The following SLC24A2 variants were observed in gnomAD, a reference collection of about 807,000 sequenced individuals.
The protein encoded by SLC24A2 is sodium/potassium/calcium exchanger 2.
SLC24A2 carries 36 observed loss-of-function variants against 62.0 expected under a neutral mutation model. That is an observed-to-expected ratio of 0.58 (90% CI 0.44 to 0.77). The LOEUF is 0.77. Ranked by LOEUF, SLC24A2 falls within the 30% of genes least tolerant of loss-of-function variation. The pLI is 0.00. For missense variants in SLC24A2, 846 were observed against 817.9 expected (o/e 1.03, Z -0.42); for synonymous variants, 358 against 294.0 (o/e 1.22, Z -2.23).
chr9:19,527,800 G>A (rs1833509118), intron 9 of SLC24A2, among the ~76,000 whole-genome samples: 1 of 152,124 alleles, frequency 6.6e-6, no homozygotes, highest in Non-Finnish European at 1.5e-5. Flanking sequence ...AGGCTGCAGA[G>A]GCAAGAAGTA....
chr9:19,558,904 A>C (rs1177356603), intron 7 of SLC24A2, among the ~76,000 whole-genome samples: 2 of 152,194 alleles, frequency 1.3e-5, no homozygotes, highest in Non-Finnish European at 2.9e-5. Flanking sequence ...GGAGGCTCCT[A>C]GGAGAAGACA....
chr9:19,801,340 G>A, the SLC24A2 span, among the ~76,000 whole-genome samples: 1 of 152,234 alleles, frequency 6.6e-6, no homozygotes, highest in African/African-American at 2.4e-5. Flanking sequence ...GGGAGTGGCA[G>A]TGGGTGCCTC....
chr9:19,685,928 TTAAAC>T (rs111777411), intron 2 of SLC24A2, among the ~76,000 whole-genome samples: 9,108 of 152,170 alleles, frequency 0.06, 385 homozygotes, highest in African/African-American at 0.12. Context: ...TTGGACCTAA[TTAAAC>T]TAAAGAGTTT....
the SLC24A2 span, among the ~76,000 whole-genome samples, chr9:19,827,113 G>A: frequency 6.6e-6 from 1 of 152,050 alleles, no homozygotes; most frequent in Non-Finnish European, 1.5e-5. Flanking sequence ...ATGTTTCTAA[G>A]TTGTCACAAA....
chr9:19,802,740 G>A, the SLC24A2 span, among the ~76,000 whole-genome samples: 1 of 152,142 alleles, frequency 6.6e-6, no homozygotes, highest in African/African-American at 2.4e-5. Flanking sequence ...ATAATGGTCA[G>A]TTTTAGGCAT....
chr9:19,597,417 A>G, intron 4 of SLC24A2, 138 bp from the exon 5 acceptor site: 1 of 700,748 alleles, frequency 1.4e-6, no homozygotes, highest in East Asian at 2.6e-5. Flanking sequence ...AGATGTGCAA[A>G]CATGGGCCAT....
At chr9:20,153,485 CTTTAA>C in the SLC24A2 span, among the ~76,000 whole-genome samples, 2 of 151,846 alleles carry the variant, frequency 1.3e-5, no homozygotes, top group Non-Finnish European at 2.9e-5. Flanking sequence ...CAGGCAAATT[CTTTAA>C]TTTCTCTGAC....
At chr9:20,226,163 G>T in the SLC24A2 span, among the ~76,000 whole-genome samples, 4 of 152,152 alleles carry the variant, frequency 2.6e-5, no homozygotes, top group East Asian at 5.8e-4. Context: ...TTATGAATAT[G>T]CAAGGAAATT....
At chr9:19,722,657 TA>T (rs11336427) in intron 2 of SLC24A2, among the ~76,000 whole-genome samples, 124,858 of 149,146 alleles carry the variant, frequency 0.84, 52,323 homozygotes, top group East Asian at 0.99. Context: ...AATAGGATAT[TA>T]AAAAAAAAAA....
chr9:20,302,529 T>C, the SLC24A2 span, among the ~76,000 whole-genome samples: 1 of 152,230 alleles, frequency 6.6e-6, no homozygotes, highest in Non-Finnish European at 1.5e-5. Flanking sequence ...GTATATCTTA[T>C]GTGGTGAGGT....
At chr9:19,876,166 C>G in the SLC24A2 span, among the ~76,000 whole-genome samples, 1 of 152,038 alleles carries the variant, frequency 6.6e-6, no homozygotes, top group East Asian at 1.9e-4. Flanking sequence ...CAGACAACAC[C>G]TAAACATAGA....
At chr9:19,548,749 G>C (rs761504334) in intron 8 of SLC24A2, among the ~76,000 whole-genome samples, 3 of 152,188 alleles carry the variant, frequency 2.0e-5, no homozygotes, top group Non-Finnish European at 4.4e-5. Flanking sequence ...GTCCCCCTTT[G>C]AGAGTCAGCC....
chr9:19,736,744 C>T (rs1821522394), intron 2 of SLC24A2, among the ~76,000 whole-genome samples: 2 of 152,086 alleles, frequency 1.3e-5, no homozygotes, highest in Non-Finnish European at 2.9e-5. Flanking sequence ...CTTAGCTACT[C>T]AGCAGGCTGA....
At chr9:19,592,508 ACC>A (rs1250346921) in intron 5 of SLC24A2, among the ~76,000 whole-genome samples, 5 of 148,818 alleles carry the variant, frequency 3.4e-5, no homozygotes, top group Admixed American at 6.7e-5. Flanking sequence ...CTACCTACCT[ACC>A]TACCTACCTA....
chr9:20,066,245 G>T, the SLC24A2 span, among the ~76,000 whole-genome samples: 27 of 152,234 alleles, frequency 1.8e-4, no homozygotes, highest in Non-Finnish European at 2.5e-4. Context: ...TTTTAAAAAG[G>T]CATTTATAGC....
intron 2 of SLC24A2, among the ~76,000 whole-genome samples, chr9:19,785,607 T>G (rs982802326): frequency 1.3e-5 from 2 of 152,200 alleles, no homozygotes; most frequent in African/African-American, 4.8e-5. Flanking sequence ...CCTATGAAAA[T>G]TAAATTGTTC....
At chr9:20,299,043 T>A in the SLC24A2 span, among the ~76,000 whole-genome samples, 2 of 152,110 alleles carry the variant, frequency 1.3e-5, no homozygotes, top group African/African-American at 2.4e-5. Context: ...ATAGAGTCAT[T>A]CCCCAAATAA....
chr9:19,732,890 T>A (rs1224319189), intron 2 of SLC24A2, among the ~76,000 whole-genome samples: 2 of 152,126 alleles, frequency 1.3e-5, no homozygotes, highest in African/African-American at 4.8e-5. Flanking sequence ...AAAATCCAGA[T>A]TTTTCAATTG....
At chr9:20,275,132 A>G in the SLC24A2 span, among the ~76,000 whole-genome samples, 1 of 152,140 alleles carries the variant, frequency 6.6e-6, no homozygotes, top group Non-Finnish European at 1.5e-5. Flanking sequence ...CTAAGACATA[A>G]CAACAGCAAG....
Sources: gnomAD v4.1 joint callset for allele counts (sites outside exome capture counted in the v4.1 genomes callset) on GRCh38, gnomAD v4.1.1 for gene constraint, MANE v1.5 for transcripts, NCBI Gene and HGNC (gene_info 2026-07-23, HGNC 2026-07-21) for gene names.